Variants in SNX27 observed in about 807,000 individuals in gnomAD.
SNX27 encodes the protein sorting nexin 27, also known as sorting nexin-27.
Under a neutral mutation model 71.6 loss-of-function variants are expected in SNX27, and 22 were observed. The ratio of observed to expected loss-of-function variants is 0.31; its 90% CI spans 0.22 to 0.44. The LOEUF (loss-of-function observed/expected upper bound fraction) is 0.44. Among genes scored for constraint, SNX27 ranks in the 20% least tolerant of loss-of-function variants. SNX27 has a pLI of 1.00. For missense variants in SNX27, 531 were observed against 698.6 expected (o/e 0.76, Z 2.70); for synonymous variants, 269 against 277.2 (o/e 0.97, Z 0.29).
intron 5 of SNX27, among the ~76,000 whole-genome samples, chr1:151,664,589 C>T (rs10494268): frequency 0.099 from 15,107 of 151,988 alleles, 792 homozygotes; most frequent in South Asian, 0.13. Flanking sequence ...GCCTTTAATC[C>T]TAACTTGATC....
intron 1 of SNX27, among the ~76,000 whole-genome samples, chr1:151,623,918 C>T (rs937294078): frequency 3.3e-5 from 5 of 152,158 alleles, no homozygotes; most frequent in Admixed American, 2.6e-4. Context: ...TCTTTAGCCT[C>T]TCACATGTGA....
chr1:151,628,302 C>T (rs79255266), intron 1 of SNX27, among the ~76,000 whole-genome samples: 3,085 of 152,212 alleles, frequency 0.02, 105 homozygotes, highest in African/African-American at 0.069. Context: ...CCACTGCGTC[C>T]GACCTTTTCT....
chr1:151,669,294 T>G (rs1670354434), intron 7 of SNX27: 1 of 152,206 alleles, frequency 6.6e-6, no homozygotes, highest in Admixed American at 6.5e-5. Flanking sequence ...ATGCAGTGTT[T>G]ACAATATTAT....
chr1:151,650,791 G>T (rs1352704873), intron 2 of SNX27, among the ~76,000 whole-genome samples: 1 of 151,598 alleles, frequency 6.6e-6, no homozygotes, highest in Non-Finnish European at 1.5e-5. Context: ...AGATTAGGGA[G>T]TGGTGATGAC....
rs570759515 is a variant in SNX27 at position 151,652,177 on chromosome 1, C to T, written c.544-6058C>T. Among the ~76,000 whole-genome samples, 539 of 117,976 alleles carry T rather than the reference C, an allele frequency of 4.6e-3. 1 individual carries two copies. Among genetic ancestry groups the T allele is most frequent in the Non-Finnish European group, 5.6e-3 (341 of 60,818 alleles). The allele number at this position is 117,976 out of a possible 152,430, so 77.4% of individuals were successfully genotyped here. A position where few individuals can be genotyped will look rare whatever the true frequency, so the allele number is the denominator to read the frequency against. On this transcript the variant is annotated intron_variant, in intron 2 of 11. Transcript: ENST00000458013. Reference sequence around the variant, plus strand: ...CTTCGGCTCCGCATGAGAGGGAGACCGTGGAAAGAGAGGGAGAGGGAGACC... The same window carrying T: ...CTTCGGCTCCGCATGAGAGGGAGACTGTGGAAAGAGAGGGAGAGGGAGACC...
intron 2 of SNX27, among the ~76,000 whole-genome samples, chr1:151,648,118 A>C (rs1669142001): frequency 6.6e-6 from 1 of 151,782 alleles, no homozygotes; most frequent in South Asian, 2.1e-4. Context: ...GCAGTAGTGC[A>C]ATCTTGGCAC....
In SNX27 at chr1:151,641,797, A is replaced by C. The variant is rs539472798; in HGVS notation, c.543+2678A>C. Among the ~76,000 whole-genome samples, 5 of 142,714 alleles carry C rather than the reference A, an allele frequency of 3.5e-5. No homozygotes were observed. The South Asian group carries it at 8.7e-4, about 25-fold the overall frequency. The allele number at this position is 142,714 out of a possible 152,430, so 93.6% of individuals were successfully genotyped here. A position where few individuals can be genotyped will look rare whatever the true frequency, so the allele number is the denominator to read the frequency against. ...TATATCTGATATATATGAGATATAT[A>C]AGATATAGATATATATGAGATATAT... On this transcript the variant is annotated intron_variant, in intron 2 of 11. Coordinates refer to ENST00000458013, the MANE Select transcript of SNX27 (RefSeq NM_001330723.2).
In SNX27 at chr1:151,686,956, C is replaced by T. The variant is rs113117288; in HGVS notation, c.1239+3511C>T. ...TAAGCTTTGTGTAAGTTCCCCTGTC[C>T]TCCAAATCTTCAAATACAGAAGAGA... On this transcript the variant is annotated intron_variant, in intron 8 of 11. Coordinates refer to ENST00000458013, the MANE Select transcript of SNX27 (RefSeq NM_001330723.2). Among the ~76,000 whole-genome samples the T allele has an allele frequency of 5.9e-5, 9 of 152,314 alleles. 1 individual carries two copies. Among genetic ancestry groups the T allele is most frequent in the African/African-American group, 9.6e-5 (4 of 41,564 alleles).
At chr1:151,693,746 C>G in intron 11 of SNX27, 1 of 1,552,552 alleles carries the variant, frequency 6.4e-7, no homozygotes. Flanking sequence ...TCTCTCATGA[C>G]TTCATGGACC....
At chr1:151,626,135 A>C (rs369686964) in intron 1 of SNX27, among the ~76,000 whole-genome samples, 1 of 151,734 alleles carries the variant, frequency 6.6e-6, no homozygotes. Context: ...TTTCAAAAAA[A>C]TAAAAAATAA....
intron 7 of SNX27, among the ~76,000 whole-genome samples, chr1:151,668,966 A>G (rs1184708596): frequency 6.6e-6 from 1 of 152,222 alleles, no homozygotes; most frequent in African/African-American, 2.4e-5. Context: ...ATAGTTCTAC[A>G]CAGTTTATTG....
At chr1:151,650,277 T>G (rs1422432856) in intron 2 of SNX27, among the ~76,000 whole-genome samples, 2 of 152,178 alleles carry the variant, frequency 1.3e-5, no homozygotes, top group Non-Finnish European at 2.9e-5. Flanking sequence ...TCCTCCTTCC[T>G]CAGACTCCCA....
Position 151,641,989 on chromosome 1 carries a change from T to C in SNX27, c.543+2870T>C, listed in dbSNP as rs1168293750. Among the ~76,000 whole-genome samples the C allele has an allele frequency of 2.1e-5, 3 of 143,906 alleles. 1 individual carries two copies. Among genetic ancestry groups the C allele is most frequent in the African/African-American group, 7.6e-5 (3 of 39,286 alleles). The allele number at this position is 143,906 out of a possible 152,430, so 94.4% of individuals were successfully genotyped here. A position where few individuals can be genotyped will look rare whatever the true frequency, so the allele number is the denominator to read the frequency against. On this transcript the variant is annotated intron_variant, in intron 2 of 11. Transcript: ENST00000458013. ...GATATATATATATCAGATATAGATA[T>C]ATATGAGATATATATATCAGATATA...
chr1:151,670,830 T>C (rs951892247), intron 7 of SNX27, among the ~76,000 whole-genome samples: 1 of 152,184 alleles, frequency 6.6e-6, no homozygotes, highest in Non-Finnish European at 1.5e-5. Flanking sequence ...TGACTGTGCT[T>C]GTGGGGTATT....
chr1:151,650,285 C>G (rs569463278), intron 2 of SNX27, among the ~76,000 whole-genome samples: 2 of 152,260 alleles, frequency 1.3e-5, no homozygotes, highest in South Asian at 4.1e-4. Context: ...CCTCAGACTC[C>G]CAAAGCACTG....
At chr1:151,641,351 C>T (rs1229868825) in intron 2 of SNX27, among the ~76,000 whole-genome samples, 1 of 151,826 alleles carries the variant, frequency 6.6e-6, no homozygotes, top group Non-Finnish European at 1.5e-5. Context: ...TCCATAACCT[C>T]TTGATATTTT....
intron 6 of SNX27, 85 bp downstream of exon 6, chr1:151,666,096 G>T: frequency 9.4e-7 from 1 of 1,062,978 alleles, no homozygotes. Context: ...TGAAGACAAG[G>T]GGAGATCCCA....
At chr1:151,685,037 G>T (rs897531852) in intron 8 of SNX27, among the ~76,000 whole-genome samples, 5 of 152,010 alleles carry the variant, frequency 3.3e-5, no homozygotes, top group African/African-American at 1.2e-4. Context: ...TCGAACTCCA[G>T]ACCTTGAGTG....
chr1:151,674,652 T>C (rs949428610), intron 7 of SNX27, among the ~76,000 whole-genome samples: 1 of 151,550 alleles, frequency 6.6e-6, no homozygotes, highest in Non-Finnish European at 1.5e-5. Flanking sequence ...GTCATCTGGT[T>C]CCAGGGAATA....
Sources: allele counts gnomAD v4.1 joint callset (sites outside exome capture counted in the v4.1 genomes callset), GRCh38; gene constraint gnomAD v4.1.1; transcripts MANE v1.5; gene names NCBI Gene and HGNC (gene_info 2026-07-23, HGNC 2026-07-21).